Variants in PLPPR1 observed in about 807,000 individuals in gnomAD.
The protein encoded by PLPPR1 is phospholipid phosphatase related 1, also known as phospholipid phosphatase-related protein type 1.
A neutral mutation model predicts 33.1 loss-of-function variants in PLPPR1; 10 were observed. The observed-to-expected ratio is 0.30, with a 90% CI of 0.19 to 0.51. The LOEUF is 0.51. Among genes scored for constraint, PLPPR1 ranks in the 20% least tolerant of loss-of-function variants. The pLI, the probability that PLPPR1 is intolerant of heterozygous loss-of-function variation, is 0.97. For synonymous variants in PLPPR1, 151 were observed against 151.0 expected (o/e 1.00, Z 0.00); for missense variants, 304 against 408.1 (o/e 0.74, Z 2.20).
chr9:101,115,583 G>C (rs1831108895), intron 1 of PLPPR1, among the ~76,000 whole-genome samples: 1 of 152,176 alleles, frequency 6.6e-6, no homozygotes, highest in Non-Finnish European at 1.5e-5. Context: ...TGATGTAAGA[G>C]ACATAAAAAA....
intron 1 of PLPPR1, among the ~76,000 whole-genome samples, chr9:101,041,987 G>A (rs1401448114): frequency 6.6e-6 from 1 of 152,182 alleles, no homozygotes; most frequent in Admixed American, 6.5e-5. Context: ...GCTTTTATGA[G>A]CGTCATCAGG....
chr9:101,234,559 A>G lies in PLPPR1; in HGVS notation c.64-35321A>G, dbSNP rs529360941. On this transcript the variant is annotated intron_variant, in intron 2 of 7. Coordinates refer to ENST00000374874, the MANE Select transcript of PLPPR1 (RefSeq NM_207299.2). The stretch of plus-strand genomic sequence containing the variant: ...TCCAAGTGTATTTTTTTAAAAAAAA[A>G]ACAAACAAAAATTCTATACCGTAAT... Among the ~76,000 whole-genome samples the G allele has an allele frequency of 2.0e-4, 30 of 151,936 alleles. No individual in the cohort carries two copies. The South Asian group carries it at 5.2e-3, about 26-fold the overall frequency.
Position 101,206,934 on chromosome 9 carries a change from A to G in PLPPR1, c.63+21377A>G, listed in dbSNP as rs562391776. On this transcript the variant is annotated intron_variant, in intron 2 of 7. Transcript: ENST00000374874. ...ATTGCCAAGCCAGGACTTATAGGGA[A>G]TATAACCCCTGGCACTGAAATCCTT... Among the ~76,000 whole-genome samples the G allele has an allele frequency of 5.3e-5, 8 of 152,214 alleles. No individual in the cohort carries two copies. The South Asian group carries it at 8.3e-4, about 16-fold the overall frequency.
At chr9:101,038,723 C>T (rs916886104) in intron 1 of PLPPR1, among the ~76,000 whole-genome samples, 2 of 152,080 alleles carry the variant, frequency 1.3e-5, no homozygotes, top group African/African-American at 4.8e-5. Flanking sequence ...GCTTGAGCAA[C>T]GGATTTCTGG....
chr9:101,099,400 A>G (rs1041388711), intron 1 of PLPPR1, among the ~76,000 whole-genome samples: 3 of 152,130 alleles, frequency 2.0e-5, no homozygotes, highest in Admixed American at 1.3e-4. Flanking sequence ...GATTTCTGAC[A>G]TATATTGCAA....
At chr9:101,217,249 A>C (rs1826818306) in intron 2 of PLPPR1, among the ~76,000 whole-genome samples, 1 of 152,058 alleles carries the variant, frequency 6.6e-6, no homozygotes, top group East Asian at 1.9e-4. Flanking sequence ...GCCCTGCTTA[A>C]AAAAAAATCA....
intron 2 of PLPPR1, among the ~76,000 whole-genome samples, chr9:101,261,739 C>T (rs1442874333): frequency 1.3e-5 from 2 of 152,138 alleles, no homozygotes; most frequent in Non-Finnish European, 2.9e-5. Flanking sequence ...AGCAAACTAA[C>T]ACAGACACAG....
chr9:101,065,418 T>A (rs1399930867), intron 1 of PLPPR1, among the ~76,000 whole-genome samples: 1 of 152,134 alleles, frequency 6.6e-6, no homozygotes, highest in Non-Finnish European at 1.5e-5. Flanking sequence ...CTCTGGCACA[T>A]TTGTGGAAAA....
intron 4 of PLPPR1, among the ~76,000 whole-genome samples, chr9:101,295,252 A>G (rs2118931298): frequency 6.6e-6 from 1 of 152,110 alleles, no homozygotes; most frequent in East Asian, 1.9e-4. Context: ...AAGGGACGTG[A>G]AGGACCTCTT....
At chr9:101,207,121 T>C (rs1826603039) in intron 2 of PLPPR1, among the ~76,000 whole-genome samples, 1 of 152,206 alleles carries the variant, frequency 6.6e-6, no homozygotes, top group Non-Finnish European at 1.5e-5. Context: ...ACTTTTTTAT[T>C]GTGTGTATAT....
intron 1 of PLPPR1, among the ~76,000 whole-genome samples, chr9:101,182,137 G>A (rs1316489762): frequency 6.6e-6 from 1 of 151,298 alleles, no homozygotes; most frequent in Non-Finnish European, 1.5e-5. Flanking sequence ...AAATAAGCTA[G>A]GAACAGAAAG....
intron 2 of PLPPR1, among the ~76,000 whole-genome samples, chr9:101,216,629 A>T (rs1185472046): frequency 6.6e-6 from 1 of 152,256 alleles, no homozygotes; most frequent in Admixed American, 6.5e-5. Flanking sequence ...GAAATTAGGA[A>T]GAGAATCTGC....
At chr9:101,181,744 T>C (rs893936927) in intron 1 of PLPPR1, among the ~76,000 whole-genome samples, 35 of 180 alleles carry the variant, frequency 0.19, no homozygotes, top group Admixed American at 0.38. Flanking sequence ...TGTGTATATA[T>C]ACACACACAC....
At chr9:101,124,953 G>A (rs1432011114) in intron 1 of PLPPR1, among the ~76,000 whole-genome samples, 3 of 152,314 alleles carry the variant, frequency 2.0e-5, no homozygotes, top group South Asian at 2.1e-4. Flanking sequence ...GGACCAAAAG[G>A]TCCTGGAGAG....
At chr9:101,046,095 G>A (rs1307324608) in intron 1 of PLPPR1, among the ~76,000 whole-genome samples, 1 of 152,160 alleles carries the variant, frequency 6.6e-6, no homozygotes, top group Non-Finnish European at 1.5e-5. Flanking sequence ...GCATCTATGT[G>A]TCTGTAAGTG....
intron 2 of PLPPR1, among the ~76,000 whole-genome samples, chr9:101,235,124 G>A (rs1008703586): frequency 2.0e-5 from 3 of 151,816 alleles, no homozygotes; most frequent in Non-Finnish European, 4.4e-5. Flanking sequence ...TTCTATCCAC[G>A]AAAAATTGTG....
chr9:101,119,987 T>C (rs1296688324), intron 1 of PLPPR1, among the ~76,000 whole-genome samples: 1 of 152,238 alleles, frequency 6.6e-6, no homozygotes, highest in East Asian at 1.9e-4. Context: ...AACCTCACTT[T>C]ACTGCCATAA....
intron 1 of PLPPR1, among the ~76,000 whole-genome samples, chr9:101,034,049 G>GA (rs5899424): frequency 1.2e-4 from 18 of 150,768 alleles, no homozygotes; most frequent in Admixed American, 6.6e-4. Flanking sequence ...GGAATGGGAG[G>GA]AAAAAAAAAA....
chr9:101,116,719 G>A (rs1050256356), intron 1 of PLPPR1, among the ~76,000 whole-genome samples: 1 of 151,478 alleles, frequency 6.6e-6, no homozygotes, highest in Non-Finnish European at 1.5e-5. Context: ...GCTGAGACAA[G>A]GTTCGCTTGA....
Sources: allele counts gnomAD v4.1 joint callset (sites outside exome capture counted in the v4.1 genomes callset), GRCh38; gene constraint gnomAD v4.1.1; transcripts MANE v1.5; gene names NCBI Gene and HGNC (gene_info 2026-07-23, HGNC 2026-07-21).